SIPA1L3: variants seen among roughly 807,000 people sequenced by gnomAD.
The protein encoded by SIPA1L3 is signal-induced proliferation-associated 1-like protein 3.
SIPA1L3 carries 59 observed loss-of-function variants against 150.1 expected under a neutral mutation model. That is an observed-to-expected ratio of 0.39 (90% CI 0.32 to 0.49). The LOEUF (loss-of-function observed/expected upper bound fraction) is 0.49, where lower values mean the gene tolerates loss of function less well. Among genes scored for constraint, SIPA1L3 ranks in the 20% least tolerant of loss-of-function variants. The pLI is 0.86. For missense variants in SIPA1L3, 2,211 were observed against 2,489.5 expected, an observed-to-expected ratio of 0.89 and a Z score of 2.38; for synonymous variants, 1,070 against 1,077.6, an observed-to-expected ratio of 0.99 and a Z score of 0.14.
chr19:37,952,637 C>T (rs1428207524), intron 1 of SIPA1L3, among the ~76,000 whole-genome samples: 1 of 152,112 alleles, frequency 6.6e-6, no homozygotes, highest in African/African-American at 2.4e-5. Flanking sequence ...CGTGCCATTG[C>T]ACTCCAGCCT....
At chr19:38,065,863 T>TA (rs1599988611) in intron 2 of SIPA1L3, among the ~76,000 whole-genome samples, 2 of 147,586 alleles carry the variant, frequency 1.4e-5, no homozygotes, top group African/African-American at 2.5e-5. Flanking sequence ...TTTATTTATT[T>TA]TTGAGGCAAC....
rs549638520 is a variant in SIPA1L3 at position 38,085,961 on chromosome 19, A to G, written c.1535-2760A>G. 2.0e-5 allele frequency among the ~76,000 whole-genome samples: 3 copies of G among 152,206 alleles called. No homozygotes were observed. The South Asian group carries it at 6.2e-4, about 32-fold the overall frequency. On this transcript the variant is annotated intron_variant, in intron 3 of 21. Coordinates refer to ENST00000222345, the MANE Select transcript of SIPA1L3 (RefSeq NM_015073.3). ...CAGTGAGCCGAGATCGCACCATCAC[A>G]ATCCAGCCTGGGCGACAGAGTGAGA...
At chr19:38,027,515 G>T (rs888499628) in intron 1 of SIPA1L3, among the ~76,000 whole-genome samples, 1 of 152,000 alleles carries the variant, frequency 6.6e-6, no homozygotes, top group African/African-American at 2.4e-5. Flanking sequence ...GAGGTTGGCG[G>T]GGATATTTGG....
intron 1 of SIPA1L3, among the ~76,000 whole-genome samples, chr19:37,920,503 TTGTC>T (rs1568463920): frequency 1.3e-5 from 2 of 152,272 alleles, no homozygotes; most frequent in African/African-American, 4.8e-5. Flanking sequence ...TGAAATAAGA[TTGTC>T]TGTGAGTGGA....
At chr19:38,126,673 A>AT (rs1344453116) in intron 9 of SIPA1L3, among the ~76,000 whole-genome samples, 4 of 151,740 alleles carry the variant, frequency 2.6e-5, no homozygotes, top group Non-Finnish European at 5.9e-5. Context: ...AGTAGCTGGG[A>AT]TTACAGATGT....
intron 1 of SIPA1L3, among the ~76,000 whole-genome samples, chr19:38,011,322 A>C (rs1968092163): frequency 6.6e-6 from 1 of 152,136 alleles, no homozygotes; most frequent in African/African-American, 2.4e-5. Context: ...AAAAAATAAC[A>C]AAAATTAACC....
At chr19:38,104,536 G>A (rs372096541) in intron 6 of SIPA1L3, among the ~76,000 whole-genome samples, 4 of 152,164 alleles carry the variant, frequency 2.6e-5, no homozygotes, top group Non-Finnish European at 4.4e-5. Context: ...ACCTGGCGTG[G>A]AGGAAGCTGG....
intron 8 of SIPA1L3, among the ~76,000 whole-genome samples, chr19:38,117,452 TC>T: frequency 6.6e-6 from 1 of 152,162 alleles, no homozygotes; most frequent in Admixed American, 6.5e-5. Flanking sequence ...AAACCCTGTC[TC>T]TACTAAAAAT....
At chr19:37,935,870 T>C (rs2046595985) in intron 1 of SIPA1L3, among the ~76,000 whole-genome samples, 1 of 152,158 alleles carries the variant, frequency 6.6e-6, no homozygotes, top group Non-Finnish European at 1.5e-5. Flanking sequence ...GGGAGGGATA[T>C]CACAAAACAA....
chr19:38,031,133 T>C (rs1968645689), intron 2 of SIPA1L3, among the ~76,000 whole-genome samples: 1 of 152,202 alleles, frequency 6.6e-6, no homozygotes. Flanking sequence ...TGATTACTTT[T>C]ATTTTGAAGT....
intron 13 of SIPA1L3, among the ~76,000 whole-genome samples, chr19:38,153,401 G>T (rs1005059551): frequency 6.6e-6 from 1 of 152,224 alleles, no homozygotes; most frequent in African/African-American, 2.4e-5. Context: ...CAGGCGGGGT[G>T]GCTCACGCCT....
At position 37,940,002 on chromosome 19, in the gene SIPA1L3, G is replaced by C. The variant is rs546295442; in HGVS notation, c.-379+32644G>C. Among the ~76,000 whole-genome samples, 4 of 152,300 alleles carry C rather than the reference G, an allele frequency of 2.6e-5. No homozygotes were observed. In the South Asian group the frequency reaches 8.3e-4, roughly 32 times the overall value. On this transcript the variant is annotated intron_variant, in intron 1 of 21. Coordinates refer to ENST00000222345, the MANE Select transcript of SIPA1L3 (RefSeq NM_015073.3). ...TTGTACAGGCACTATTCTGGGAACTGGGAAGAGAGTAATGGAAAAGCAAAC... is the reference window on the plus strand; with the variant it reads ...TTGTACAGGCACTATTCTGGGAACTCGGAAGAGAGTAATGGAAAAGCAAAC...
In SIPA1L3 at chr19:38,141,353, G is replaced by A. The variant is rs373059257; in HGVS notation, c.3313G>A (p.Gly1105Ser). 1.9e-5 allele frequency: 31 copies of A among 1,613,718 alleles called. No homozygotes were observed. The highest frequency in any genetic ancestry group is 2.4e-5 in the Non-Finnish European group (28 of 1,180,006). The change falls in exon 11 of 22, where the codon GGC (glycine) becomes AGC (serine). Residue 1105 changes from glycine (G) to serine (S), a missense_variant. Around this residue, in one of 5 missense-constraint regions of SIPA1L3, gnomAD observed 806 missense variants for 870.1 expected, o/e 0.93. Transcript: ENST00000222345. ...ASKWATPTTP[G>S]HAQSLSRPLK... ...CAAGTGGGCCACTCCAACCACTCCC[G>A]GCCATGCCCAGTCCCTGAGCCGGCC...
At chr19:38,135,108 C>T (rs987236834) in intron 10 of SIPA1L3, among the ~76,000 whole-genome samples, 16 of 152,168 alleles carry the variant, frequency 1.1e-4, no homozygotes, top group Non-Finnish European at 1.8e-4. Context: ...AAATCCAGGT[C>T]GGCCTGTCTC....
intron 1 of SIPA1L3, among the ~76,000 whole-genome samples, chr19:37,933,719 C>A (rs1306871956): frequency 1.3e-5 from 2 of 152,160 alleles, no homozygotes; most frequent in Non-Finnish European, 2.9e-5. Flanking sequence ...CTCTCTGGCA[C>A]CTGCCTGCAG....
At chr19:38,012,669 A>AC (rs1267524729) in intron 1 of SIPA1L3, among the ~76,000 whole-genome samples, 1 of 96,932 alleles carries the variant, frequency 1.0e-5, no homozygotes, top group Non-Finnish European at 2.2e-5. Context: ...CATTCCCCCC[A>AC]CCCCCCATCC....
At chr19:38,050,281 C>G (rs1265570509) in intron 2 of SIPA1L3, among the ~76,000 whole-genome samples, 3 of 152,062 alleles carry the variant, frequency 2.0e-5, no homozygotes, top group Non-Finnish European at 4.4e-5. Context: ...CATGATGAAA[C>G]CCCGTCTCCA....
At chr19:38,094,096 T>C (rs1970324031) in intron 4 of SIPA1L3, among the ~76,000 whole-genome samples, 1 of 152,204 alleles carries the variant, frequency 6.6e-6, no homozygotes, top group African/African-American at 2.4e-5. Flanking sequence ...GGTTTTTCTT[T>C]TTTATTTAAA....
rs563236501 is a variant in SIPA1L3, at chr19:38,143,627, C to T, written c.3533+917C>T. 1.5e-3 allele frequency among the ~76,000 whole-genome samples: 226 copies of T among 151,214 alleles called. 2 individuals are homozygous for T. The highest frequency in any genetic ancestry group is 2.8e-3 in the Non-Finnish European group (192 of 67,846). On this transcript the variant is annotated intron_variant, in intron 12 of 21. Coordinates refer to ENST00000222345, the MANE Select transcript of SIPA1L3 (RefSeq NM_015073.3). ...AATCTCAGCTCACTGCAACCTCCAC[C>T]TCCCGGGTTCAAGTGATTCTCCTGC...
Sources: gnomAD v4.1 joint callset for allele counts (sites outside exome capture counted in the v4.1 genomes callset) on GRCh38, gnomAD v4.1.1 for gene constraint, gnomAD v4.1.1 regional missense constraint, MANE v1.5 for transcripts, NCBI Gene and HGNC (gene_info 2026-07-23, HGNC 2026-07-21) for gene names.